The following PAK5 variants were observed in gnomAD, a reference collection of about 807,000 sequenced individuals.
PAK5 encodes the protein p21 (RAC1) activated kinase 5, also known as serine/threonine-protein kinase PAK 5.
PAK5 carries 16 observed loss-of-function variants against 65.9 expected under a neutral mutation model. That is an observed-to-expected ratio of 0.24 (90% CI 0.16 to 0.37). The LOEUF (loss-of-function observed/expected upper bound fraction) is 0.37, where lower values mean the gene tolerates loss of function less well. PAK5 is among the 10% of genes least tolerant of loss of function. PAK5 has a pLI of 1.00. For synonymous variants in PAK5, 371 were observed against 354.9 expected (o/e 1.05, Z -0.51); for missense variants, 785 against 903.9 (o/e 0.87, Z 1.69).
chr20:9,725,338 CAA>C (rs2048263635), intron 1 of PAK5, among the ~76,000 whole-genome samples: 1 of 114,970 alleles, frequency 8.7e-6, no homozygotes, highest in South Asian at 3.6e-4. Flanking sequence ...ATTATTAAAA[CAA>C]GAGAGAAATT....
At chr20:9,590,085 T>A (rs570398781) in intron 3 of PAK5, among the ~76,000 whole-genome samples, 89 of 152,126 alleles carry the variant, frequency 5.9e-4, no homozygotes, top group Non-Finnish European at 5.1e-4. Context: ...ACTCCTGGGC[T>A]CAAGTTATTC....
chr20:9,691,500 C>A lies in PAK5; in HGVS notation c.-12+19786G>T, dbSNP rs963701592. Reference sequence around the variant, plus strand: ...AGTCTGTACCACCTTGACTGAATAGCCTGAACTTGGTAGGGTTTAAATAGT... The same window carrying A: ...AGTCTGTACCACCTTGACTGAATAGACTGAACTTGGTAGGGTTTAAATAGT... On this transcript the variant is annotated intron_variant, in intron 2 of 9. Coordinates refer to ENST00000353224, the MANE Select transcript of PAK5 (RefSeq NM_177990.4). Among the ~76,000 whole-genome samples, 14 of 152,298 alleles carry A rather than the reference C, an allele frequency of 9.2e-5. 1 individual carries two copies. The highest frequency in any genetic ancestry group is 3.4e-4 in the African/African-American group (14 of 41,562).
At chr20:9,752,670 A>T (rs376879691) in intron 1 of PAK5, among the ~76,000 whole-genome samples, 120 of 152,260 alleles carry the variant, frequency 7.9e-4, no homozygotes, top group African/African-American at 2.8e-3. Context: ...GACTAAGGAA[A>T]TTGAATGATA....
At chr20:9,732,816 A>G (rs957416380) in intron 1 of PAK5, among the ~76,000 whole-genome samples, 3 of 152,240 alleles carry the variant, frequency 2.0e-5, no homozygotes, top group Non-Finnish European at 4.4e-5. Flanking sequence ...CTGTCTGGAC[A>G]TGCTTTCTTC....
At chr20:9,768,789 G>A (rs867869014) in intron 1 of PAK5, among the ~76,000 whole-genome samples, 9 of 32,146 alleles carry the variant, frequency 2.8e-4, no homozygotes, top group Middle Eastern at 0.048. Context: ...AGACTCCATC[G>A]CAAAAAAAAA....
intron 2 of PAK5, among the ~76,000 whole-genome samples, chr20:9,692,759 G>A (rs370316497): frequency 6.6e-6 from 1 of 152,086 alleles, no homozygotes; most frequent in African/African-American, 2.4e-5. Flanking sequence ...CTGGGAGGAA[G>A]GATGTTATCC....
At chr20:9,764,861 A>G (rs187223308) in intron 1 of PAK5, among the ~76,000 whole-genome samples, 14 of 152,340 alleles carry the variant, frequency 9.2e-5, no homozygotes, top group Admixed American at 3.3e-4. Context: ...GGATCTTTAA[A>G]AAATAACAGA....
At position 9,544,494 on chromosome 20, in the gene PAK5, T is replaced by C. The variant is rs1438633238; in HGVS notation, c.1744A>G (p.Ile582Val). Residue 582 changes from isoleucine (I) to valine (V), a missense_variant and splice_region_variant, in exon 8 of 10, where the codon ATA becomes GTA. Physicochemically the swap from Ile to Val is conservative, Grantham distance 29 (BLOSUM62 3). Around this residue, in one of 4 missense-constraint regions of PAK5, gnomAD observed 182 missense variants for 273.0 expected, o/e 0.67. Transcript: ENST00000353224. ...DSILLTSDGR[I>V]KLSDFGFCAQ... is the part of the protein sequence containing the mutation. ...CAGAAACCAAAATCAGACAACTTTATCTGAAAAGGAAAGGAATGCAACAAA... is the reference window on the plus strand; with the variant it reads ...CAGAAACCAAAATCAGACAACTTTACCTGAAAAGGAAAGGAATGCAACAAA... 2 of 1,613,712 alleles carry C rather than the reference T, an allele frequency of 1.2e-6. No individual in the cohort carries two copies. Among genetic ancestry groups the C allele is most frequent in the East Asian group, 2.2e-5 (1 of 44,886 alleles).
At chr20:9,599,509 C>T (rs1483855631) in intron 3 of PAK5, among the ~76,000 whole-genome samples, 1 of 152,220 alleles carries the variant, frequency 6.6e-6, no homozygotes, top group Admixed American at 6.5e-5. Flanking sequence ...CCTTGAAACA[C>T]TTGTTATTTT....
At chr20:9,709,605 A>T (rs2048052994) in intron 2 of PAK5, among the ~76,000 whole-genome samples, 2 of 152,152 alleles carry the variant, frequency 1.3e-5, no homozygotes, top group African/African-American at 4.8e-5. Context: ...GCACTGTATA[A>T]TTGCTGCACT....
chr20:9,663,292 G>A (rs772464476), intron 2 of PAK5, among the ~76,000 whole-genome samples: 12 of 152,004 alleles, frequency 7.9e-5, no homozygotes, highest in Non-Finnish European at 1.5e-4. Context: ...GCCCCTTGTT[G>A]GTCTGGCAAA....
At chr20:9,544,618 T>G in intron 7 of PAK5, 124 bp from the exon 8 acceptor site, 1 of 838,696 alleles carries the variant, frequency 1.2e-6, no homozygotes, top group Non-Finnish European at 1.9e-6. Flanking sequence ...CTTGGACATA[T>G]CAGAGGAGGG....
rs575239357 is a variant in PAK5 at position 9,673,768 on chromosome 20, C to T, written c.-11-29429G>A. ...TTATAGTTTTTATGGGACATTTCTG[C>T]CCACAGACCCCCTCTGGGAAATTTT... On this transcript the variant is annotated intron_variant, in intron 2 of 9. Coordinates refer to ENST00000353224, the MANE Select transcript of PAK5 (RefSeq NM_177990.4). 2.6e-5 allele frequency among the ~76,000 whole-genome samples: 4 copies of T among 152,228 alleles called. No individual in the cohort carries two copies. In the South Asian group the frequency reaches 8.3e-4, roughly 32 times the overall value.
At chr20:9,649,155 T>C (rs1217535673) in intron 2 of PAK5, among the ~76,000 whole-genome samples, 2 of 152,244 alleles carry the variant, frequency 1.3e-5, no homozygotes, top group African/African-American at 4.8e-5. Flanking sequence ...TTAAACACTT[T>C]ATTATTTGTT....
At chr20:9,822,092 C>A (rs577105707) in intron 1 of PAK5, among the ~76,000 whole-genome samples, 1 of 152,030 alleles carries the variant, frequency 6.6e-6, no homozygotes, top group South Asian at 2.1e-4. Context: ...AGTTCGAGAC[C>A]AGCTTGGGCA....
chr20:9,620,831 G>A (rs1023544899), intron 3 of PAK5, among the ~76,000 whole-genome samples: 1 of 152,042 alleles, frequency 6.6e-6, no homozygotes, highest in Non-Finnish European at 1.5e-5. Context: ...CCCAGGTGTA[G>A]TTTCCATTTT....
chr20:9,637,293 C>T (rs1029959149), intron 3 of PAK5, among the ~76,000 whole-genome samples: 2 of 152,086 alleles, frequency 1.3e-5, no homozygotes, highest in Non-Finnish European at 2.9e-5. Context: ...GGCATGTGCC[C>T]ACCCAAGAAA....
intron 1 of PAK5, among the ~76,000 whole-genome samples, chr20:9,724,877 A>G (rs2123532261): frequency 6.6e-6 from 1 of 152,284 alleles, no homozygotes; most frequent in African/African-American, 2.4e-5. Flanking sequence ...TTAATTGCAT[A>G]TGTTAAAATA....
chr20:9,675,644 C>T (rs2047560035), intron 2 of PAK5, among the ~76,000 whole-genome samples: 1 of 152,104 alleles, frequency 6.6e-6, no homozygotes, highest in African/African-American at 2.4e-5. Flanking sequence ...TACCCAGCTC[C>T]AATTAATAAT....
Sources: gnomAD v4.1 joint callset for allele counts (sites outside exome capture counted in the v4.1 genomes callset) on GRCh38, gnomAD v4.1.1 for gene constraint, gnomAD v4.1.1 regional missense constraint, MANE v1.5 for transcripts, NCBI Gene and HGNC (gene_info 2026-07-23, HGNC 2026-07-21) for gene names.